Variants in FTO observed in about 807,000 individuals in gnomAD.
FTO encodes alpha-ketoglutarate-dependent dioxygenase FTO.
A neutral mutation model predicts 63.9 loss-of-function variants in FTO; 47 were observed. The observed-to-expected ratio is 0.74, with a 90% CI of 0.58 to 0.94. The LOEUF (loss-of-function observed/expected upper bound fraction) is 0.94, where lower values mean the gene tolerates loss of function less well. Ranked by LOEUF, FTO falls within the 40% of genes least tolerant of loss-of-function variation. FTO has a pLI of 0.00. For synonymous variants in FTO, 207 were observed against 224.4 expected (o/e 0.92, Z 0.69); for missense variants, 562 against 618.1 (o/e 0.91, Z 0.96).
intron 1 of FTO, among the ~76,000 whole-genome samples, chr16:53,732,085 G>T (rs1316329787): frequency 2.6e-5 from 3 of 114,696 alleles, no homozygotes; most frequent in Non-Finnish European, 1.7e-5. Flanking sequence ...GTCTCGCTCT[G>T]TCGCCCAGGC....
chr16:53,734,490 G>T (rs1221361977), intron 1 of FTO, among the ~76,000 whole-genome samples: 1 of 152,232 alleles, frequency 6.6e-6, no homozygotes, highest in Non-Finnish European at 1.5e-5. Context: ...GTCTACATCT[G>T]TGGTTGGGTG....
chr16:53,914,615 C>T (rs1381951073), intron 7 of FTO, among the ~76,000 whole-genome samples: 3 of 152,054 alleles, frequency 2.0e-5, no homozygotes, highest in Admixed American at 1.3e-4. Context: ...AACCCCACAG[C>T]GTAAAATCTC....
At chr16:53,866,548 T>G (rs1391449302) in intron 4 of FTO, among the ~76,000 whole-genome samples, 1 of 152,206 alleles carries the variant, frequency 6.6e-6, no homozygotes, top group East Asian at 1.9e-4. Flanking sequence ...ATTTCTTTAA[T>G]AGAGATAGGC....
chr16:53,960,794 A>G (rs562365126), intron 8 of FTO, among the ~76,000 whole-genome samples: 2 of 152,262 alleles, frequency 1.3e-5, no homozygotes, highest in East Asian at 3.9e-4. Flanking sequence ...TCCCAGATCC[A>G]GAGCAAAGAC....
Position 53,828,012 on chromosome 16 carries a change from G to A in FTO, c.751+1521G>A, listed in dbSNP as rs187861164. Among the ~76,000 whole-genome samples, 1,254 of 152,248 alleles carry A rather than the reference G, an allele frequency of 8.2e-3. 10 individuals carry two copies. Among genetic ancestry groups the A allele is most frequent in the Non-Finnish European group, 0.011 (767 of 68,012 alleles). On this transcript the variant is annotated intron_variant, in intron 3 of 8. Transcript: ENST00000471389. ...AATAGTCCTATTGTACTCCCTTCCC[G>A]TGGGTGATCAAGTAGTTTTTGAAAC...
At chr16:53,839,775 T>TTTTATTTATTTATTTA (rs1205942882) in intron 3 of FTO, among the ~76,000 whole-genome samples, 1 of 36,952 alleles carries the variant, frequency 2.7e-5, no homozygotes, top group Non-Finnish European at 4.8e-5. Context: ...TTTTCTTTTT[T>TTTTATTTATTTATTTA]TTTATTTATT....
At chr16:53,901,391 C>G (rs538166587) in intron 7 of FTO, among the ~76,000 whole-genome samples, 5 of 152,322 alleles carry the variant, frequency 3.3e-5, no homozygotes, top group Middle Eastern at 3.4e-3. Flanking sequence ...GAAATGACAT[C>G]TTCATTGCCT....
At chr16:53,969,751 T>G (rs2083275404) in intron 8 of FTO, among the ~76,000 whole-genome samples, 1 of 152,234 alleles carries the variant, frequency 6.6e-6, no homozygotes, top group South Asian at 2.1e-4. Flanking sequence ...GCCAGAGTTC[T>G]GCCAGGTGAT....
intron 1 of FTO, among the ~76,000 whole-genome samples, chr16:53,727,960 G>A (rs925215381): frequency 5.9e-5 from 9 of 152,088 alleles, no homozygotes; most frequent in Non-Finnish European, 1.3e-4. Context: ...AGTAGTAAGG[G>A]GCCAGGTACA....
chr16:53,716,924 A>G (rs1437356359), intron 1 of FTO, among the ~76,000 whole-genome samples: 1 of 150,714 alleles, frequency 6.6e-6, no homozygotes, highest in African/African-American at 2.4e-5. Flanking sequence ...TTTTAAATAT[A>G]TTTATGATCT....
At chr16:54,049,344 T>C (rs2085259901) in intron 8 of FTO, among the ~76,000 whole-genome samples, 1 of 152,182 alleles carries the variant, frequency 6.6e-6, no homozygotes, top group Non-Finnish European at 1.5e-5. Context: ...CTGGAAGACC[T>C]TGTGCAAAAA....
chr16:53,888,047 C>T (rs2081046992), intron 6 of FTO: 1 of 152,056 alleles, frequency 6.6e-6, no homozygotes, highest in South Asian at 2.1e-4. Flanking sequence ...TTATGCCTTT[C>T]CCATCAAACA....
intron 4 of FTO, among the ~76,000 whole-genome samples, chr16:53,856,636 G>A (rs1359280349): frequency 9.0e-6 from 1 of 111,012 alleles, no homozygotes; most frequent in Non-Finnish European, 1.7e-5. Flanking sequence ...TGTAATCCCA[G>A]CTACTCGAGA....
intron 8 of FTO, among the ~76,000 whole-genome samples, chr16:53,942,826 A>G (rs967334584): frequency 4.6e-5 from 7 of 152,326 alleles, no homozygotes; most frequent in African/African-American, 1.7e-4. Context: ...AGCTGCTATC[A>G]TTCATGCTAA....
At chr16:54,086,276 C>T (rs1418595816) in intron 8 of FTO, among the ~76,000 whole-genome samples, 1 of 152,114 alleles carries the variant, frequency 6.6e-6, no homozygotes, top group Non-Finnish European at 1.5e-5. Context: ...CCCATGTATC[C>T]AGCCACAGAA....
chr16:53,911,234 G>A (rs932505663), intron 7 of FTO: 8 of 609,490 alleles, frequency 1.3e-5, no homozygotes, highest in Non-Finnish European at 2.4e-5. Context: ...CTGAGCGATT[G>A]GAGTGAGTAA....
chr16:53,773,611 C>T lies in FTO; in HGVS notation c.46-36529C>T, dbSNP rs557423890. On this transcript the variant is annotated intron_variant, in intron 1 of 8. Transcript: ENST00000471389. ...CTCACATCTTCACTGTGTTTTTGTA[C>T]GTGATGGATTGTACATTCTGTGGAG... Among the ~76,000 whole-genome samples the T allele has an allele frequency of 1.7e-4, 26 of 152,174 alleles. No homozygotes were observed. The South Asian group carries it at 3.1e-3, about 18-fold the overall frequency.
At chr16:53,899,276 A>T (rs1405099042) in intron 7 of FTO, among the ~76,000 whole-genome samples, 1 of 151,904 alleles carries the variant, frequency 6.6e-6, no homozygotes, top group African/African-American at 2.4e-5. Context: ...TTAGTTTCCC[A>T]GAGTACCAGT....
chr16:53,880,968 A>G (rs991716050), intron 6 of FTO, among the ~76,000 whole-genome samples: 2 of 148,532 alleles, frequency 1.3e-5, no homozygotes, highest in African/African-American at 5.0e-5. Context: ...AAAAAATACA[A>G]AAAATTAGCT....
Sources: allele counts gnomAD v4.1 joint callset (sites outside exome capture counted in the v4.1 genomes callset), GRCh38; gene constraint gnomAD v4.1.1; transcripts MANE v1.5; gene names NCBI Gene and HGNC (gene_info 2026-07-23, HGNC 2026-07-21).